The following WTIP variants were observed in gnomAD, a reference collection of about 807,000 sequenced individuals.
WTIP encodes Wilms tumor protein 1-interacting protein.
Under a neutral mutation model 41.7 loss-of-function variants are expected in WTIP, and 23 were observed. The observed-to-expected ratio is 0.55, with a 90% confidence interval of 0.40 to 0.78. The LOEUF (loss-of-function observed/expected upper bound fraction) is 0.78. Among genes scored for constraint, WTIP ranks in the 30% least tolerant of loss-of-function variants. The probability of loss-of-function intolerance (pLI) is 0.00; values close to 1 mark genes in which losing one functional copy is unlikely to be tolerated. For missense variants in WTIP, 619 were observed against 610.5 expected (o/e 1.01, Z -0.15); for synonymous variants, 314 against 269.9 (o/e 1.16, Z -1.60).
chr19:34,490,350 G>A, intron 1 of WTIP, 26 bp from the exon 2 acceptor site: 1 of 1,611,048 alleles, frequency 6.2e-7, no homozygotes, highest in Non-Finnish European at 8.5e-7. Context: ...GCTAACCCCT[G>A]CTCTCTCCTG....
intron 1 of WTIP, among the ~76,000 whole-genome samples, chr19:34,484,533 C>T (rs1043837657): frequency 1.3e-5 from 2 of 152,068 alleles, no homozygotes; most frequent in African/African-American, 2.4e-5. Context: ...TGTCATCTCC[C>T]GTGTCAGGCA....
intron 7 of WTIP, 70 bp downstream of exon 7, chr19:34,495,841 G>A (rs890476572): frequency 6.6e-7 from 1 of 1,517,760 alleles, no homozygotes; most frequent in Non-Finnish European, 9.1e-7. Flanking sequence ...CTCTCTGGGT[G>A]TTCTGTGGGC....
At chr19:34,487,606 A>G (rs1233831799) in intron 1 of WTIP, among the ~76,000 whole-genome samples, 1 of 152,194 alleles carries the variant, frequency 6.6e-6, no homozygotes. Flanking sequence ...AAGTCCATAG[A>G]TGGGGACGGC....
rs918171456 is a variant in WTIP, at chr19:34,505,199, G to A, written c.*4930G>A. On this transcript the variant is annotated 3_prime_UTR_variant, in exon 8 of 8. Coordinates refer to ENST00000590071, the MANE Select transcript of WTIP (RefSeq NM_001080436.2). ...AGGGGCCCTGAGGCCTGAGGTGGTG[G>A]AAGGAGCTCACCTATCTCAGGCCCA... 6.6e-6 allele frequency: 1 copy of A among 152,282 alleles called. No homozygotes were observed. Among genetic ancestry groups the A allele is most frequent in the African/African-American group, 2.4e-5 (1 of 41,418 alleles). 9.4% of individuals were successfully genotyped at this position (152,282 alleles called of 1,614,324 possible). A position where few individuals can be genotyped will look rare whatever the true frequency, so the allele number is the denominator to read the frequency against.
At position 34,500,571 on chromosome 19, in the gene WTIP, T is replaced by G; in HGVS notation, c.*302T>G. 2 of 325,276 alleles carry G rather than the reference T, an allele frequency of 6.1e-6. No individual in the cohort carries two copies. Among genetic ancestry groups the G allele is most frequent in the South Asian group, 9.9e-5 (1 of 10,120 alleles). The allele number at this position is 325,276 out of a possible 1,614,324, so 20.1% of individuals were successfully genotyped here. A position where few individuals can be genotyped will look rare whatever the true frequency, so the allele number is the denominator to read the frequency against. On this transcript the variant is annotated 3_prime_UTR_variant, in exon 8 of 8. Transcript: ENST00000590071. ...ACCAGGCTGGAGAGGGCCCCTGCCT[T>G]GGCCAGGGGTGCGAGGTGACCCGGC...
Position 34,486,569 on chromosome 19 carries a change from G to A in WTIP, c.668-3807G>A, listed in dbSNP as rs531494064. Among the ~76,000 whole-genome samples, 17 of 152,156 alleles carry A rather than the reference G, an allele frequency of 1.1e-4. No individual in the cohort carries two copies. The East Asian group carries it at 2.1e-3, about 19-fold the overall frequency. On this transcript the variant is annotated intron_variant, in intron 1 of 7. Transcript: ENST00000590071. ...TTTTTGGTAGAGACAGGGTTTCACT[G>A]TGTTAACCAGGATGGTCTCATCTCC... is the stretch of plus-strand genomic sequence containing the variant.
At chr19:34,490,512 G>A (rs1246970966) in intron 2 of WTIP, 35 bp downstream of exon 2, 1 of 1,593,594 alleles carries the variant, frequency 6.3e-7, no homozygotes, top group Admixed American at 1.7e-5. Context: ...GCTCTGTGAA[G>A]GGGACCTGCC....
intron 2 of WTIP, 146 bp from the exon 3 acceptor site, chr19:34,492,891 T>C: frequency 1.4e-6 from 1 of 690,198 alleles, no homozygotes; most frequent in Non-Finnish European, 2.5e-6. Context: ...ATTATAACAA[T>C]AACAACATAA....
At chr19:34,499,771 C>G (rs899224874) in intron 7 of WTIP, among the ~76,000 whole-genome samples, 1 of 151,586 alleles carries the variant, frequency 6.6e-6, no homozygotes. Context: ...AGGCTCTCTG[C>G]TCTCTGCAAC....
In WTIP at chr19:34,506,293, G is replaced by A. The variant is rs1392613055; in HGVS notation, c.*6024G>A. ...GACTATGGGGCTGTCCTTCCACAGTGTGCACTGAGGGTGCAGGCCAAACCT... is the reference window on the plus strand; with the variant it reads ...GACTATGGGGCTGTCCTTCCACAGTATGCACTGAGGGTGCAGGCCAAACCT... On this transcript the variant is annotated 3_prime_UTR_variant, in exon 8 of 8. Coordinates refer to ENST00000590071, the MANE Select transcript of WTIP (RefSeq NM_001080436.2). 1.3e-5 allele frequency: 2 copies of A among 152,186 alleles called. No individual in the cohort carries two copies. The highest frequency in any genetic ancestry group is 2.9e-5 in the Non-Finnish European group (2 of 68,032). 9.4% of individuals were successfully genotyped at this position (152,186 alleles called of 1,614,324 possible).
intron 2 of WTIP, among the ~76,000 whole-genome samples, chr19:34,491,188 C>T (rs1166160751): frequency 6.6e-6 from 1 of 152,000 alleles, no homozygotes; most frequent in African/African-American, 2.4e-5. Context: ...TATAGTTTAA[C>T]CTAGACAAAG....
intron 1 of WTIP, among the ~76,000 whole-genome samples, chr19:34,489,071 T>G (rs2075812185): frequency 6.6e-6 from 1 of 151,498 alleles, no homozygotes; most frequent in Non-Finnish European, 1.5e-5. Context: ...TGGTGGCACA[T>G]GCCTGTAATC....
rs761507340 is a variant in WTIP, at chr19:34,490,426, C to T, written c.718C>T (p.Gln240Ter). 6.2e-7 allele frequency: 1 copy of T among 1,613,998 alleles called. No individual in the cohort carries two copies. Among genetic ancestry groups the T allele is most frequent in the Non-Finnish European group, 8.5e-7 (1 of 1,179,896 alleles). Residue 240 changes from glutamine to a stop codon, truncating the protein, a stop_gained, in exon 2 of 8, where the codon CAG becomes TAG. Transcript: ENST00000590071. LOFTEE classifies it high-confidence loss of function. ...LGIYGAQQAC[Q>*]AMGSLYHTDC... is the part of the protein sequence containing the mutation. ...CATCTACGGAGCCCAGCAGGCGTGC[C>T]AGGCAATGGGGAGTCTTTATCACAC...
chr19:34,494,059 G>C (rs1005157034), intron 5 of WTIP, among the ~76,000 whole-genome samples: 4 of 152,164 alleles, frequency 2.6e-5, no homozygotes, highest in African/African-American at 9.6e-5. Context: ...CTCTGGTTCT[G>C]AGCAGGGCCT....
At chr19:34,484,936 A>AAT (rs1306537129) in intron 1 of WTIP, among the ~76,000 whole-genome samples, 7 of 63,930 alleles carry the variant, frequency 1.1e-4, no homozygotes, top group Non-Finnish European at 2.1e-4. Flanking sequence ...TCTTTTCTTT[A>AAT]AAAAAAAAAA....
chr19:34,484,002 C>G (rs564516466), intron 1 of WTIP, among the ~76,000 whole-genome samples: 1 of 140,514 alleles, frequency 7.1e-6, no homozygotes, highest in Non-Finnish European at 1.5e-5. Context: ...TCTTGGCTCA[C>G]TGCAACCTCC....
Position 34,488,340 on chromosome 19 carries a change from C to T in WTIP, c.668-2036C>T, listed in dbSNP as rs528843779. 4.6e-5 allele frequency among the ~76,000 whole-genome samples: 7 copies of T among 152,108 alleles called. No individual in the cohort carries two copies. In the South Asian group the frequency reaches 1.5e-3, roughly 32 times the overall value. On this transcript the variant is annotated intron_variant, in intron 1 of 7. Coordinates refer to ENST00000590071, the MANE Select transcript of WTIP (RefSeq NM_001080436.2). Reference sequence around the variant, plus strand: ...CCACCCACCTCGGCCTCCCAAAGTGCTGAGATTACAGGCGTGAGCCATTGT... The same window carrying T: ...CCACCCACCTCGGCCTCCCAAAGTGTTGAGATTACAGGCGTGAGCCATTGT...
chr19:34,481,913 CGGCCGGAGCGGCGGCGG>C lies in WTIP; in HGVS notation c.-60_-44del. ...GCTTCGGGCGGACGATGCGGCGGCC[CGGCCGGAGCGGCGGCGG>C]GAAGCGGAGGCGGAGGTGACGCGCC... On this transcript the variant is annotated 5_prime_UTR_variant, in exon 1 of 8. It removes the in-frame stop codon of an upstream open reading frame in the 5' UTR. Transcript: ENST00000590071. 1 of 954,200 alleles carries C rather than the reference CGGCCGGAGCGGCGGCGG, an allele frequency of 1.0e-6. No individual in the cohort carries two copies. The highest frequency in any genetic ancestry group is 1.2e-6 in the Non-Finnish European group (1 of 802,458). The allele number at this position is 954,200 out of a possible 1,614,324, so 59.1% of individuals were successfully genotyped here.
rs2075889551 is a variant in WTIP, at chr19:34,501,954, CTTTTCTT to C, written c.*1690_*1696del. Reference sequence around the variant, plus strand: ...TGCTAGCTGAGCTGCTTTTTCTTTTCTTTTCTTTTTTTTTTTTTGAGACGGAGTGTCA... The same window carrying C: ...TGCTAGCTGAGCTGCTTTTTCTTTTCTTTTTTTTTTTGAGACGGAGTGTCA... On this transcript the variant is annotated 3_prime_UTR_variant, in exon 8 of 8. Coordinates refer to ENST00000590071, the MANE Select transcript of WTIP (RefSeq NM_001080436.2). 5 of 150,562 alleles carry C rather than the reference CTTTTCTT, an allele frequency of 3.3e-5. No homozygotes were observed. The highest frequency in any genetic ancestry group is 1.9e-4 in the East Asian group (1 of 5,176). 9.3% of individuals were successfully genotyped at this position (150,562 alleles called of 1,614,324 possible). A position where few individuals can be genotyped will look rare whatever the true frequency, so the allele number is the denominator to read the frequency against.
Sources: allele counts gnomAD v4.1 joint callset (sites outside exome capture counted in the v4.1 genomes callset), GRCh38; gene constraint gnomAD v4.1.1; transcripts MANE v1.5; gene names NCBI Gene and HGNC (gene_info 2026-07-23, HGNC 2026-07-21).